SERGEF: variants seen among roughly 807,000 people sequenced by gnomAD.
SERGEF encodes the protein secretion regulating guanine nucleotide exchange factor, also known as secretion-regulating guanine nucleotide exchange factor.
Under a neutral mutation model 50.0 loss-of-function variants are expected in SERGEF, and 51 were observed. The observed-to-expected ratio is 1.02, with a 90% CI of 0.81 to 1.29. The LOEUF is 1.29. Ranked by LOEUF, SERGEF falls within the 50% of genes most tolerant of loss-of-function variation. The pLI is 0.00. For missense variants in SERGEF, 521 were observed against 557.0 expected (o/e 0.94, Z 0.65); for synonymous variants, 205 against 212.4 (o/e 0.97, Z 0.30).
chr11:17,808,237 G>T (rs1029646240), intron 10 of SERGEF, among the ~76,000 whole-genome samples: 3 of 152,198 alleles, frequency 2.0e-5, no homozygotes, highest in African/African-American at 4.8e-5. Context: ...ACAAAGAAAT[G>T]CCTGAGGCTG....
At chr11:17,932,816 G>A (rs1852380920) in intron 9 of SERGEF, among the ~76,000 whole-genome samples, 1 of 152,120 alleles carries the variant, frequency 6.6e-6, no homozygotes, top group South Asian at 2.1e-4. Context: ...TGGGAGCAGG[G>A]AGAGTATAAT....
At chr11:17,901,374 C>T (rs890545677) in intron 9 of SERGEF, among the ~76,000 whole-genome samples, 1 of 152,208 alleles carries the variant, frequency 6.6e-6, no homozygotes, top group African/African-American at 2.4e-5. Flanking sequence ...AACTCCTCTG[C>T]TCAAAACCTG....
intron 9 of SERGEF, chr11:17,939,649 A>T (rs1852524823): frequency 6.6e-6 from 1 of 152,410 alleles, no homozygotes; most frequent in Admixed American, 6.5e-5. Flanking sequence ...CACAGGCAGC[A>T]TGACTCCTGA....
At chr11:17,918,643 CACACACACAT>C in intron 9 of SERGEF, 1 of 414,552 alleles carries the variant, frequency 2.4e-6, no homozygotes, top group Non-Finnish European at 4.8e-6. Flanking sequence ...CACACACACA[CACACACACAT>C]ACACACACAC....
At chr11:17,929,111 A>G (rs1852304911) in intron 9 of SERGEF, among the ~76,000 whole-genome samples, 1 of 152,226 alleles carries the variant, frequency 6.6e-6, no homozygotes, top group Non-Finnish European at 1.5e-5. Context: ...TGAATATAAA[A>G]TCACTTAAGT....
At chr11:17,975,388 G>T (rs1853349700) in intron 8 of SERGEF, among the ~76,000 whole-genome samples, 1 of 151,954 alleles carries the variant, frequency 6.6e-6, no homozygotes, top group African/African-American at 2.4e-5. Context: ...CCTCAGAGAG[G>T]TATAAGGAGA....
intron 9 of SERGEF, among the ~76,000 whole-genome samples, chr11:17,895,575 C>T (rs1055449501): frequency 1.8e-4 from 27 of 152,172 alleles, no homozygotes; most frequent in African/African-American, 6.0e-4. Flanking sequence ...ACTGACATGA[C>T]TGCAACTTTT....
chr11:17,872,699 G>A (rs1036258501), intron 10 of SERGEF, among the ~76,000 whole-genome samples: 71 of 152,154 alleles, frequency 4.7e-4, no homozygotes, highest in Non-Finnish European at 7.6e-4. Context: ...TCACTATAGC[G>A]TTGCTTATAA....
intron 9 of SERGEF, among the ~76,000 whole-genome samples, chr11:17,944,746 G>A (rs1271735545): frequency 6.6e-6 from 1 of 152,334 alleles, no homozygotes; most frequent in African/African-American, 2.4e-5. Flanking sequence ...CTCTCTGTTT[G>A]ATTAGCATGG....
chr11:17,998,964 C>G (rs1853903466), intron 5 of SERGEF, among the ~76,000 whole-genome samples: 1 of 152,122 alleles, frequency 6.6e-6, no homozygotes, highest in South Asian at 2.1e-4. Context: ...TACGGCAGCC[C>G]TAACAGATTA....
At chr11:18,006,208 G>A (rs1201106012) in intron 3 of SERGEF, among the ~76,000 whole-genome samples, 1 of 152,088 alleles carries the variant, frequency 6.6e-6, no homozygotes, top group Non-Finnish European at 1.5e-5. Context: ...GCTCAGGCTG[G>A]GGTGCAGTGG....
intron 10 of SERGEF, among the ~76,000 whole-genome samples, chr11:17,846,271 C>A (rs2237941): frequency 1.3e-5 from 2 of 152,182 alleles, no homozygotes; most frequent in South Asian, 4.1e-4. Flanking sequence ...ACCTGTGTAT[C>A]GCCAATGAGT....
chr11:17,833,947 C>T (rs1393198464), intron 10 of SERGEF, among the ~76,000 whole-genome samples: 1 of 152,154 alleles, frequency 6.6e-6, no homozygotes, highest in Non-Finnish European at 1.5e-5. Context: ...AGACTCTGGA[C>T]TGTGGACTTC....
chr11:18,010,837 C>T (rs1471416047), intron 1 of SERGEF, among the ~76,000 whole-genome samples: 2 of 152,132 alleles, frequency 1.3e-5, no homozygotes, highest in East Asian at 3.8e-4. Context: ...CTATGAAAGA[C>T]TTGCTCAGCA....
At chr11:18,006,143 T>C (rs1468890690) in intron 3 of SERGEF, among the ~76,000 whole-genome samples, 1 of 152,192 alleles carries the variant, frequency 6.6e-6, no homozygotes, top group Admixed American at 6.5e-5. Context: ...GAGGGAAAAT[T>C]TGTGTGTGCT....
intron 10 of SERGEF, among the ~76,000 whole-genome samples, chr11:17,828,099 G>A (rs991220344): frequency 3.3e-5 from 5 of 152,188 alleles, no homozygotes; most frequent in African/African-American, 7.2e-5. Flanking sequence ...TAGTGAAGGC[G>A]GAGTTGAGAT....
At chr11:17,931,882 T>C (rs1228628197) in intron 9 of SERGEF, among the ~76,000 whole-genome samples, 2 of 152,108 alleles carry the variant, frequency 1.3e-5, no homozygotes, top group Non-Finnish European at 1.5e-5. Context: ...TAACAAGTCC[T>C]CCAAGTGATT....
chr11:17,921,259 CATT>C (rs2133939236), intron 9 of SERGEF, among the ~76,000 whole-genome samples: 1 of 152,306 alleles, frequency 6.6e-6, no homozygotes, highest in African/African-American at 2.4e-5. Flanking sequence ...TAAAAGTACT[CATT>C]ATTAAATTAT....
chr11:17,995,574 C>T (rs1853819768), intron 6 of SERGEF, among the ~76,000 whole-genome samples: 1 of 152,208 alleles, frequency 6.6e-6, no homozygotes, highest in South Asian at 2.1e-4. Context: ...ACCTACCTGA[C>T]TTGCATCTAT....
Sources: gnomAD v4.1 joint callset for allele counts (sites outside exome capture counted in the v4.1 genomes callset) on GRCh38, gnomAD v4.1.1 for gene constraint, MANE v1.5 for transcripts, NCBI Gene and HGNC (gene_info 2026-07-23, HGNC 2026-07-21) for gene names.